IKBKB: variants seen among roughly 807,000 people sequenced by gnomAD.
The protein encoded by IKBKB is inhibitor of nuclear factor kappa B kinase subunit beta.
A neutral mutation model predicts 113.6 loss-of-function variants in IKBKB; 42 were observed. The observed-to-expected ratio is 0.37, with a 90% confidence interval of 0.29 to 0.48. The LOEUF is 0.48. Among genes scored for constraint, IKBKB ranks in the 20% least tolerant of loss-of-function variants. IKBKB has a pLI of 0.99. For missense variants in IKBKB, 673 were observed against 939.7 expected (o/e 0.72, Z 3.71); for synonymous variants, 296 against 361.3 (o/e 0.82, Z 2.05).
chr8:42,280,821 C>G (rs1359917427), intron 2 of IKBKB, among the ~76,000 whole-genome samples: 1 of 152,160 alleles, frequency 6.6e-6, no homozygotes, highest in African/African-American at 2.4e-5. Context: ...TTCTATGAAG[C>G]AGCACGGACC....
intron 5 of IKBKB, among the ~76,000 whole-genome samples, chr8:42,304,201 C>A (rs1816031117): frequency 1.3e-5 from 2 of 152,230 alleles, no homozygotes; most frequent in African/African-American, 4.8e-5. Flanking sequence ...CTGTTGAGCT[C>A]TCTAGGCTAC....
intron 19 of IKBKB, chr8:42,324,969 T>A (rs950209616): frequency 1.3e-5 from 2 of 153,080 alleles, no homozygotes; most frequent in Admixed American, 6.5e-5. Flanking sequence ...GGCTTCTTGA[T>A]GTGTGGGCCT....
chr8:42,290,404 G>T, intron 4 of IKBKB, 131 bp downstream of exon 4: 1 of 679,380 alleles, frequency 1.5e-6, no homozygotes, highest in African/African-American at 1.8e-5. Flanking sequence ...CAGCAGGGCT[G>T]CTTTGCCTCT....
At chr8:42,307,442 G>A (rs1816762568) in intron 7 of IKBKB, among the ~76,000 whole-genome samples, 1 of 152,218 alleles carries the variant, frequency 6.6e-6, no homozygotes, top group South Asian at 2.1e-4. Flanking sequence ...GCCCACTCCT[G>A]ACACTGTGTG....
At chr8:42,300,796 T>C (rs1815034071) in intron 5 of IKBKB, among the ~76,000 whole-genome samples, 1 of 152,224 alleles carries the variant, frequency 6.6e-6, no homozygotes, top group Non-Finnish European at 1.5e-5. Context: ...AAATGTACTG[T>C]GTCATTTATC....
intron 2 of IKBKB, among the ~76,000 whole-genome samples, chr8:42,285,702 G>A (rs564561491): frequency 6.6e-6 from 1 of 152,374 alleles, no homozygotes; most frequent in African/African-American, 2.4e-5. Context: ...GGATGCCCAT[G>A]CCTACTGCCG....
intron 11 of IKBKB, 59 bp from the exon 12 acceptor site, chr8:42,317,598 T>C (rs561597998): frequency 1.8e-6 from 2 of 1,113,272 alleles, no homozygotes; most frequent in East Asian, 4.7e-5. Flanking sequence ...TTCTTCATTA[T>C]CAGTTAGAAA....
intron 16 of IKBKB, chr8:42,321,454 A>G (rs1357274608): frequency 6.3e-6 from 1 of 158,430 alleles, no homozygotes; most frequent in Non-Finnish European, 1.4e-5. Flanking sequence ...GGAGCTCCAA[A>G]TGTCAGAACT....
intron 9 of IKBKB, among the ~76,000 whole-genome samples, chr8:42,315,497 C>G (rs114367269): frequency 6.6e-6 from 1 of 152,064 alleles, no homozygotes; most frequent in Non-Finnish European, 1.5e-5. Context: ...TTTGAGTGCT[C>G]ACAGGAGGCA....
intron 20 of IKBKB, 39 bp downstream of exon 20, chr8:42,326,136 G>C (rs115446302): frequency 1.9e-6 from 3 of 1,612,118 alleles, no homozygotes; most frequent in East Asian, 4.5e-5. Flanking sequence ...GACCATCAAG[G>C]GCACGTCAGG....
At chr8:42,282,572 G>A (rs976437051) in intron 2 of IKBKB, among the ~76,000 whole-genome samples, 2 of 152,282 alleles carry the variant, frequency 1.3e-5, no homozygotes, top group African/African-American at 4.8e-5. Flanking sequence ...TACTGAGATG[G>A]CGCAGGCCTA....
At chr8:42,329,616 C>T in intron 21 of IKBKB, 2 of 984,148 alleles carry the variant, frequency 2.0e-6, no homozygotes, top group Non-Finnish European at 2.4e-6. Flanking sequence ...CCTTGGAACA[C>T]TTAATTCCGA....
Position 42,272,132 on chromosome 8 carries a change from C to T in IKBKB, c.32C>T (p.Thr11Ile), listed in dbSNP as rs1388981077. 4 of 1,614,094 alleles carry T rather than the reference C, an allele frequency of 2.5e-6. No homozygotes were observed. The highest frequency in any genetic ancestry group is 2.5e-6 in the Non-Finnish European group (3 of 1,180,008). Residue 11 changes from threonine (T) to isoleucine (I), a missense_variant, in exon 2 of 22, where the codon ACA becomes ATA. By Grantham distance (89) the Thr-to-Ile change is moderately conservative. Around this residue, in one of 2 missense-constraint regions of IKBKB, gnomAD observed 167 missense variants for 301.0 expected, o/e 0.55. Transcript: ENST00000520810. MSWSPSLTTQ[T>I]CGAWEMKERL... ...TGGTCACCTTCCCTGACAACGCAGA[C>T]ATGTGGGGCCTGGGAAATGAAAGAG...
intron 21 of IKBKB, chr8:42,329,599 A>G (rs1186484267): frequency 1.0e-6 from 1 of 979,982 alleles, no homozygotes; most frequent in African/African-American, 1.7e-5. Context: ...GCATTATCTT[A>G]TTTAATCCTT....
chr8:42,279,710 C>T (rs1322441266), intron 2 of IKBKB, among the ~76,000 whole-genome samples: 1 of 152,190 alleles, frequency 6.6e-6, no homozygotes, highest in African/African-American at 2.4e-5. Context: ...GGAACCCAAC[C>T]TCATGCTTTT....
intron 16 of IKBKB, chr8:42,321,553 G>C (rs974397660): frequency 8.8e-6 from 2 of 228,024 alleles, no homozygotes; most frequent in Non-Finnish European, 1.7e-5. Flanking sequence ...ACAGGGTCTT[G>C]CCCTGTTGCC....
intron 5 of IKBKB, among the ~76,000 whole-genome samples, chr8:42,294,573 A>G (rs1813325452): frequency 6.6e-6 from 1 of 152,236 alleles, no homozygotes. Flanking sequence ...AGGAAGGGGA[A>G]AAGTCAAGCA....
Position 42,316,395 on chromosome 8 carries a change from T to C in IKBKB, c.930+56T>C, listed in dbSNP as rs1818692065. On this transcript the variant is annotated intron_variant, in intron 10 of 21. Coordinates refer to ENST00000520810, the MANE Select transcript of IKBKB (RefSeq NM_001556.3). The surrounding 1 kb of genome is among the most constrained non-coding windows in gnomAD (Gnocchi z 4.5). The stretch of plus-strand genomic sequence containing the variant: ...AAAAGCTGGGGTCCCCAGTGGAACA[T>C]GCAGTTCTTAGGACAGAGCAGGGGA... 1 of 1,608,990 alleles carries C rather than the reference T, an allele frequency of 6.2e-7. No homozygotes were observed. The highest frequency in any genetic ancestry group is 8.5e-7 in the Non-Finnish European group (1 of 1,176,708).
intron 14 of IKBKB, 72 bp downstream of exon 14, chr8:42,319,493 G>A (rs1407094289): frequency 6.3e-7 from 1 of 1,598,054 alleles, no homozygotes; most frequent in Non-Finnish European, 8.6e-7. Context: ...GGTTTCTTTT[G>A]TCCTATTATA....
Sources: allele counts gnomAD v4.1 joint callset (sites outside exome capture counted in the v4.1 genomes callset), GRCh38; gene constraint gnomAD v4.1.1; regional missense constraint gnomAD v4.1.1; non-coding constraint Gnocchi (gnomAD v3.1); transcripts MANE v1.5; gene names NCBI Gene and HGNC (gene_info 2026-07-23, HGNC 2026-07-21).